The following PDE4B variants were observed in gnomAD, a reference collection of about 807,000 sequenced individuals.
PDE4B encodes 3',5'-cyclic-AMP phosphodiesterase 4B.
In PDE4B, 20 loss-of-function variants were observed where a neutral mutation model predicts 82.2. The ratio of observed to expected loss-of-function variants is 0.24; its 90% confidence interval spans 0.17 to 0.35. The LOEUF is 0.35. Ranked by LOEUF, PDE4B falls within the 10% of genes least tolerant of loss-of-function variation. PDE4B has a pLI of 1.00. For synonymous variants in PDE4B, 320 were observed against 318.9 expected (o/e 1.00, Z -0.04); for missense variants, 655 against 907.2 (o/e 0.72, Z 3.57).
chr1:65,951,928 G>A (rs1365703592), intron 3 of PDE4B, among the ~76,000 whole-genome samples: 1 of 152,066 alleles, frequency 6.6e-6, no homozygotes, highest in Non-Finnish European at 1.5e-5. Context: ...GGCAATGGAG[G>A]ATGAATATCC....
intron 1 of PDE4B, among the ~76,000 whole-genome samples, chr1:65,863,144 C>G (rs1055550091): frequency 4.6e-5 from 7 of 152,122 alleles, no homozygotes; most frequent in African/African-American, 1.7e-4. Flanking sequence ...ACATTTAGTG[C>G]TATAAATTTC....
intron 1 of PDE4B, among the ~76,000 whole-genome samples, chr1:65,887,186 TTTTCTTTCTTTCTTTCTTTCTTTCTTTC>T (rs766627917): frequency 1.7e-5 from 1 of 60,076 alleles, no homozygotes; most frequent in African/African-American, 6.3e-5. Flanking sequence ...CTCCCTCCCT[TTTTCTTTCTTTCTTTCTTTCTTTCTTTC>T]TTTCTTTCTT....
rs577693356 is a variant in PDE4B, at chr1:66,048,002, G to A, written c.281+129167G>A. Among the ~76,000 whole-genome samples the A allele has an allele frequency of 3.3e-5, 5 of 151,946 alleles. No individual in the cohort carries two copies. The South Asian group carries it at 1.0e-3, about 31-fold the overall frequency. On this transcript the variant is annotated intron_variant, in intron 3 of 16. Transcript: ENST00000341517. ...GAGCATGCATACACGTTCTTTCTTT[G>A]GATGGCGTCTACAGTTTGTCCTTGG...
At chr1:66,314,626 T>C (rs987977846) in intron 7 of PDE4B, among the ~76,000 whole-genome samples, 11 of 152,182 alleles carry the variant, frequency 7.2e-5, no homozygotes, top group Non-Finnish European at 4.4e-5. Flanking sequence ...TTAGCCAGGC[T>C]GGTTTCGAAC....
intron 3 of PDE4B, among the ~76,000 whole-genome samples, chr1:65,938,142 C>T (rs1219703915): frequency 6.6e-6 from 1 of 152,142 alleles, no homozygotes; most frequent in Non-Finnish European, 1.5e-5. Context: ...CTCCTTAGCC[C>T]CACATCCTGA....
intron 1 of PDE4B, among the ~76,000 whole-genome samples, chr1:65,890,771 T>C (rs975264954): frequency 4.6e-5 from 7 of 152,022 alleles, no homozygotes; most frequent in Non-Finnish European, 8.8e-5. Flanking sequence ...TATTTACATA[T>C]GTTTTGCAAG....
intron 3 of PDE4B, among the ~76,000 whole-genome samples, chr1:66,083,711 A>C (rs991114712): frequency 1.3e-5 from 2 of 152,118 alleles, no homozygotes; most frequent in Non-Finnish European, 2.9e-5. Context: ...AATTATCTCC[A>C]TAACCTAAGT....
At chr1:66,268,308 T>C (rs1160891792) in intron 7 of PDE4B, among the ~76,000 whole-genome samples, 2 of 152,268 alleles carry the variant, frequency 1.3e-5, no homozygotes, top group African/African-American at 4.8e-5. Context: ...TTGGTACATT[T>C]ACTTTTACAA....
At chr1:65,990,121 ATTTCT>A (rs1245976612) in intron 3 of PDE4B, among the ~76,000 whole-genome samples, 2 of 152,162 alleles carry the variant, frequency 1.3e-5, no homozygotes, top group Non-Finnish European at 2.9e-5. Context: ...GATTCTCAAA[ATTTCT>A]TTACTTGGGA....
intron 3 of PDE4B, among the ~76,000 whole-genome samples, chr1:65,971,775 G>A (rs1650153417): frequency 6.6e-6 from 1 of 152,144 alleles, no homozygotes; most frequent in South Asian, 2.1e-4. Flanking sequence ...AATGATTCAT[G>A]CCAAAATTGA....
intron 7 of PDE4B, chr1:66,331,792 T>C (rs1471762241): frequency 1.0e-6 from 1 of 985,298 alleles, no homozygotes; most frequent in Non-Finnish European, 1.2e-6. Context: ...CCAATAAACG[T>C]GTTCACGTAA....
chr1:66,089,552 A>C (rs920105296), intron 3 of PDE4B, among the ~76,000 whole-genome samples: 7 of 152,000 alleles, frequency 4.6e-5, no homozygotes, highest in Admixed American at 3.3e-4. Context: ...TCACCTTGCA[A>C]TGGCCCCAAA....
chr1:65,824,317 A>C (rs1338376108), intron 1 of PDE4B, among the ~76,000 whole-genome samples: 1 of 152,152 alleles, frequency 6.6e-6, no homozygotes, highest in Non-Finnish European at 1.5e-5. Flanking sequence ...AATATTGCAC[A>C]ATCAACTAAC....
At chr1:66,070,651 C>T (rs908470689) in intron 3 of PDE4B, among the ~76,000 whole-genome samples, 2 of 151,342 alleles carry the variant, frequency 1.3e-5, no homozygotes, top group African/African-American at 4.9e-5. Context: ...TATCGACCAA[C>T]AAAGATATTA....
chr1:66,104,977 C>T (rs891750675), intron 3 of PDE4B, among the ~76,000 whole-genome samples: 11 of 151,272 alleles, frequency 7.3e-5, no homozygotes, highest in African/African-American at 2.4e-4. Context: ...GCTTTTGTTG[C>T]CATTGCTTTT....
At chr1:66,259,127 G>C (rs1304959850) in intron 6 of PDE4B, among the ~76,000 whole-genome samples, 1 of 152,108 alleles carries the variant, frequency 6.6e-6, no homozygotes, top group Non-Finnish European at 1.5e-5. Flanking sequence ...CTTTTGGGTA[G>C]AACTCCATTT....
Position 66,203,157 on chromosome 1 carries a change from A to T in PDE4B, c.282-44303A>T, listed in dbSNP as rs1257569704. 4.6e-5 allele frequency among the ~76,000 whole-genome samples: 7 copies of T among 151,960 alleles called. No homozygotes were observed. In the South Asian group the frequency reaches 1.5e-3, roughly 32 times the overall value. On this transcript the variant is annotated intron_variant, in intron 3 of 16. Coordinates refer to ENST00000341517, the MANE Select transcript of PDE4B (RefSeq NM_002600.4). ...TCTGGGTTGAAAATTCTTTTCTTTA[A>T]GAATGTTGAATATTGGCCCCCACTG... is the stretch of plus-strand genomic sequence containing the variant.
At chr1:65,971,940 A>G (rs1260925160) in intron 3 of PDE4B, among the ~76,000 whole-genome samples, 1 of 152,154 alleles carries the variant, frequency 6.6e-6, no homozygotes, top group Non-Finnish European at 1.5e-5. Flanking sequence ...TTGGACTTTT[A>G]AATGCCAAGT....
rs150458068 is a variant in PDE4B, at chr1:66,001,282, G to A, written c.281+82447G>A. Among the ~76,000 whole-genome samples, 36 of 152,250 alleles carry A rather than the reference G, an allele frequency of 2.4e-4. No individual in the cohort carries two copies. The East Asian group carries it at 6.8e-3, about 29-fold the overall frequency. ...CACCTTTTACCTAGATATACTAATT[G>A]TTAGTGGTTTCTCTTATTTACCTCT... On this transcript the variant is annotated intron_variant, in intron 3 of 16. Coordinates refer to ENST00000341517, the MANE Select transcript of PDE4B (RefSeq NM_002600.4).
Sources: allele counts gnomAD v4.1 joint callset (sites outside exome capture counted in the v4.1 genomes callset), GRCh38; gene constraint gnomAD v4.1.1; transcripts MANE v1.5; gene names NCBI Gene and HGNC (gene_info 2026-07-23, HGNC 2026-07-21).